KCNH1: variants seen among roughly 807,000 people sequenced by gnomAD.
KCNH1 encodes the protein potassium voltage-gated channel subfamily H member 1, also known as voltage-gated delayed rectifier potassium channel KCNH1.
In KCNH1, 27 loss-of-function variants were observed where a neutral mutation model predicts 69.2. The observed-to-expected ratio is 0.39, with a 90% confidence interval of 0.29 to 0.54. The LOEUF (loss-of-function observed/expected upper bound fraction) is 0.54, where lower values mean the gene tolerates loss of function less well. Ranked by LOEUF, KCNH1 falls within the 20% of genes least tolerant of loss-of-function variation. The probability of loss-of-function intolerance (pLI) is 0.68; values close to 1 mark genes in which losing one functional copy is unlikely to be tolerated. For missense variants in KCNH1, 798 were observed against 1,261.6 expected (o/e 0.63, Z 5.57); for synonymous variants, 456 against 487.7 (o/e 0.93, Z 0.86).
At chr1:210,768,373 C>T (rs1188376083) in intron 10 of KCNH1, among the ~76,000 whole-genome samples, 8 of 152,158 alleles carry the variant, frequency 5.3e-5, no homozygotes, top group Non-Finnish European at 1.2e-4. Context: ...AACTCAAATA[C>T]TCTGACTGCA....
chr1:210,710,461 GCTACA>G (rs1682044782), intron 10 of KCNH1, among the ~76,000 whole-genome samples: 1 of 151,954 alleles, frequency 6.6e-6, no homozygotes, highest in Non-Finnish European at 1.5e-5. Context: ...GTGCATTTAG[GCTACA>G]CTAAAGTTTT....
chr1:210,785,814 T>C (rs1446332787), intron 9 of KCNH1, among the ~76,000 whole-genome samples: 1 of 152,166 alleles, frequency 6.6e-6, no homozygotes, highest in African/African-American at 2.4e-5. Flanking sequence ...ATGAACTGCC[T>C]GTAGGAAGGA....
Position 210,917,207 on chromosome 1 carries a change from CAGAGAGAGAGAG to C in KCNH1, c.1462+2421_1462+2432del, listed in dbSNP as rs140438633. On this transcript the variant is annotated intron_variant, in intron 7 of 10. Coordinates refer to ENST00000271751, the MANE Select transcript of KCNH1 (RefSeq NM_172362.3). Reference sequence around the variant, plus strand: ...ATAAAGAGACAGAGAAAGAAAGGGACAGAGAGAGAGAGAGAGAGAGAGAGAAAGAAAGAAAGA... The same window carrying C: ...ATAAAGAGACAGAGAAAGAAAGGGACAGAGAGAGAGAGAAAGAAAGAAAGA... Among the ~76,000 whole-genome samples, 21 of 108,802 alleles carry C rather than the reference CAGAGAGAGAGAG, an allele frequency of 1.9e-4. 1 individual carries two copies. The South Asian group carries it at 2.2e-3, about 11-fold the overall frequency. The allele number at this position is 108,802 out of a possible 152,430, so 71.4% of individuals were successfully genotyped here. A position where few individuals can be genotyped will look rare whatever the true frequency, so the allele number is the denominator to read the frequency against.
chr1:210,700,639 G>A (rs1681750113), intron 10 of KCNH1, among the ~76,000 whole-genome samples: 2 of 152,218 alleles, frequency 1.3e-5, no homozygotes, highest in Non-Finnish European at 2.9e-5. Flanking sequence ...TTGGCAAGCT[G>A]CTTCTGTAAA....
At chr1:210,839,721 A>C (rs972357860) in intron 7 of KCNH1, among the ~76,000 whole-genome samples, 1 of 152,200 alleles carries the variant, frequency 6.6e-6, no homozygotes, top group Non-Finnish European at 1.5e-5. Flanking sequence ...CTTTATATCA[A>C]ATGTGACTCT....
At chr1:210,760,585 T>C (rs56383511) in intron 10 of KCNH1, among the ~76,000 whole-genome samples, 21,171 of 152,240 alleles carry the variant, frequency 0.14, 1,534 homozygotes, top group Non-Finnish European at 0.16. Flanking sequence ...TCTGTTTTCA[T>C]GCTTCTGATA....
chr1:210,872,039 A>T (rs2102496119), intron 7 of KCNH1, among the ~76,000 whole-genome samples: 1 of 151,904 alleles, frequency 6.6e-6, no homozygotes, highest in South Asian at 2.1e-4. Context: ...GTACCCCAAA[A>T]CTTAAAGTAT....
chr1:210,688,844 G>C (rs1308723638), intron 10 of KCNH1, among the ~76,000 whole-genome samples: 1 of 152,190 alleles, frequency 6.6e-6, no homozygotes. Context: ...GTCTGGAGAG[G>C]TTGTTCCACT....
At chr1:210,862,616 G>T (rs1686003567) in intron 7 of KCNH1, among the ~76,000 whole-genome samples, 2 of 152,188 alleles carry the variant, frequency 1.3e-5, no homozygotes, top group Admixed American at 6.5e-5. Context: ...TTACAAGCCT[G>T]AGTCACCATG....
At chr1:210,901,760 G>A (rs565909453) in intron 7 of KCNH1, among the ~76,000 whole-genome samples, 3 of 152,226 alleles carry the variant, frequency 2.0e-5, no homozygotes, top group Non-Finnish European at 4.4e-5. Context: ...TTCAAGGCAA[G>A]CCTGTTGATC....
intron 7 of KCNH1, among the ~76,000 whole-genome samples, chr1:210,845,084 C>A (rs1047059453): frequency 2.6e-5 from 4 of 152,120 alleles, no homozygotes; most frequent in Non-Finnish European, 5.9e-5. Flanking sequence ...AGGCAATAAT[C>A]AATAGCTAAC....
chr1:210,927,889 C>T (rs376065567), intron 6 of KCNH1, among the ~76,000 whole-genome samples: 1 of 151,860 alleles, frequency 6.6e-6, no homozygotes, highest in Non-Finnish European at 1.5e-5. Flanking sequence ...AAATGGACAA[C>T]AAAAATGAGC....
chr1:211,122,111 C>G (rs1251280348), intron 1 of KCNH1, among the ~76,000 whole-genome samples: 1 of 151,882 alleles, frequency 6.6e-6, no homozygotes, highest in African/African-American at 2.4e-5. Flanking sequence ...GCACTCCAGC[C>G]TGGGCGACAG....
chr1:210,821,407 C>G (rs1684925407), intron 7 of KCNH1, among the ~76,000 whole-genome samples: 1 of 152,240 alleles, frequency 6.6e-6, no homozygotes, highest in African/African-American at 2.4e-5. Context: ...CCCCATCCCT[C>G]ACTTGGGATG....
intron 10 of KCNH1, among the ~76,000 whole-genome samples, chr1:210,686,650 G>C (rs1002075741): frequency 6.6e-6 from 1 of 152,190 alleles, no homozygotes; most frequent in Admixed American, 6.5e-5. Flanking sequence ...ATGGCTTTTA[G>C]AGCTCATTGC....
intron 6 of KCNH1, among the ~76,000 whole-genome samples, chr1:211,011,193 G>T (rs1268329188): frequency 6.6e-6 from 1 of 151,792 alleles, no homozygotes; most frequent in Non-Finnish European, 1.5e-5. Flanking sequence ...TGTTTTCATT[G>T]TTCAACTCCC....
chr1:210,793,109 G>T (rs891672733), intron 9 of KCNH1, among the ~76,000 whole-genome samples: 2 of 152,194 alleles, frequency 1.3e-5, no homozygotes, highest in African/African-American at 4.8e-5. Flanking sequence ...CAAGAAACTA[G>T]ATTTGAGAAG....
Position 210,793,913 on chromosome 1 carries a change from G to GCC in KCNH1, c.1915+3593_1915+3594dup, listed in dbSNP as rs897920793. Among the ~76,000 whole-genome samples the GCC allele has an allele frequency of 3.5e-4, 54 of 152,272 alleles. 1 individual carries two copies. Among genetic ancestry groups the GCC allele is most frequent in the African/African-American group, 1.3e-3 (53 of 41,556 alleles). ...AGTGATGGCTGTCTTTCCACTGTCAGCCCCCTCCACTTACAGGAGGCTGGA... is the reference window on the plus strand; with the variant it reads ...AGTGATGGCTGTCTTTCCACTGTCAGCCCCCCCTCCACTTACAGGAGGCTGGA... On this transcript the variant is annotated intron_variant, in intron 9 of 10. Coordinates refer to ENST00000271751, the MANE Select transcript of KCNH1 (RefSeq NM_172362.3).
At position 210,862,165 on chromosome 1, in the gene KCNH1, A is replaced by G; in HGVS notation, c.1462+57475T>C. 3.0e-6 allele frequency: 4 copies of G among 1,348,224 alleles called. No homozygotes were observed. In the South Asian group the frequency reaches 3.5e-5, roughly 12 times the overall value. 83.5% of individuals were successfully genotyped at this position (1,348,224 alleles called of 1,614,324 possible). The stretch of plus-strand genomic sequence containing the variant: ...CAGCTGTTCCGACATAGTAATCTGG[A>G]GCAGCGTTGAGACAAAATTCAGAGA... On this transcript the variant is annotated intron_variant, in intron 7 of 10. Coordinates refer to ENST00000271751, the MANE Select transcript of KCNH1 (RefSeq NM_172362.3).
Sources: allele counts gnomAD v4.1 joint callset (sites outside exome capture counted in the v4.1 genomes callset), GRCh38; gene constraint gnomAD v4.1.1; transcripts MANE v1.5; gene names NCBI Gene and HGNC (gene_info 2026-07-23, HGNC 2026-07-21).